Variants in PRKCB observed in about 807,000 individuals in gnomAD.
PRKCB encodes the protein protein kinase C beta, also known as protein kinase C beta type.
A neutral mutation model predicts 81.5 loss-of-function variants in PRKCB; 13 were observed. The ratio of observed to expected loss-of-function variants is 0.16; its 90% CI spans 0.10 to 0.25. The LOEUF (loss-of-function observed/expected upper bound fraction) is 0.25. Among genes scored for constraint, PRKCB ranks in the 10% least tolerant of loss-of-function variants. The probability of loss-of-function intolerance (pLI) is 1.00; values close to 1 mark genes in which losing one functional copy is unlikely to be tolerated. For missense variants in PRKCB, 509 were observed against 875.7 expected, an observed-to-expected ratio of 0.58 and a Z score of 5.29; for synonymous variants, 335 against 321.4, an observed-to-expected ratio of 1.04 and a Z score of -0.45.
intron 7 of PRKCB, among the ~76,000 whole-genome samples, chr16:24,106,648 A>C (rs1419880435): frequency 6.6e-6 from 1 of 152,206 alleles, no homozygotes; most frequent in African/African-American, 2.4e-5. Flanking sequence ...AATGTCCTAC[A>C]ATTTTAAAAA....
At chr16:23,865,561 GTGTGTGTGTA>G (rs372938984) in intron 2 of PRKCB, among the ~76,000 whole-genome samples, 4,057 of 14,064 alleles carry the variant, frequency 0.29, 680 homozygotes, top group African/African-American at 0.35. Flanking sequence ...GTGTGTGTGT[GTGTGTGTGTA>G]TATGTATATT....
At chr16:24,212,402 TAAAAAAAAAAA>T (rs35650101) in intron 16 of PRKCB, among the ~76,000 whole-genome samples, 1 of 97,170 alleles carries the variant, frequency 1.0e-5, no homozygotes, top group South Asian at 3.8e-4. Context: ...TTCTGTGCTT[TAAAAAAAAAAA>T]AAAAAAAAAG....
intron 3 of PRKCB, among the ~76,000 whole-genome samples, chr16:24,025,764 C>T (rs1053889319): frequency 3.3e-5 from 5 of 152,084 alleles, no homozygotes; most frequent in East Asian, 1.9e-4. Flanking sequence ...CTATCTTAGC[C>T]GCACATGAAG....
chr16:24,021,294 C>T (rs1286119672), intron 3 of PRKCB, among the ~76,000 whole-genome samples: 1 of 4,938 alleles, frequency 2.0e-4, no homozygotes, highest in East Asian at 4.9e-3. Flanking sequence ...CCTCTCCCTC[C>T]CTTCCTTCCT....
rs398029038 is a variant in PRKCB, at chr16:23,886,406, GTTTTTTTT to G, written c.205+49019_205+49026del. Among the ~76,000 whole-genome samples, 387 of 70,226 alleles carry G rather than the reference GTTTTTTTT, an allele frequency of 5.5e-3. 1 individual carries two copies. Among genetic ancestry groups the G allele is most frequent in the Non-Finnish European group, 7.3e-3 (291 of 39,912 alleles). The allele number at this position is 70,226 out of a possible 152,430, so 46.1% of individuals were successfully genotyped here. On this transcript the variant is annotated intron_variant, in intron 2 of 16. Coordinates refer to ENST00000643927, the MANE Select transcript of PRKCB (RefSeq NM_002738.7). Reference sequence around the variant, plus strand: ...AGGGTTGGACTATGGTGTGTTAGGTGTTTTTTTTTTTTTTTTTTTTTTTTTTGATGAAG... The same window carrying G: ...AGGGTTGGACTATGGTGTGTTAGGTGTTTTTTTTTTTTTTTTTTGATGAAG...
At chr16:24,182,080 A>G (rs1432835927) in intron 13 of PRKCB, among the ~76,000 whole-genome samples, 1 of 152,184 alleles carries the variant, frequency 6.6e-6, no homozygotes, top group Non-Finnish European at 1.5e-5. Flanking sequence ...AGTTTTCCCT[A>G]TGTGATATGC....
chr16:23,982,054 T>G (rs1316084808), intron 2 of PRKCB, among the ~76,000 whole-genome samples: 1 of 99,134 alleles, frequency 1.0e-5, no homozygotes, highest in Non-Finnish European at 2.1e-5. Context: ...CCCTTCCCTT[T>G]CCCTTCCCCT....
intron 5 of PRKCB, among the ~76,000 whole-genome samples, chr16:24,052,168 T>C (rs1965851398): frequency 6.6e-6 from 1 of 152,010 alleles, no homozygotes; most frequent in South Asian, 2.1e-4. Flanking sequence ...AAAATGCCAA[T>C]GTGCATTGGA....
At chr16:24,157,326 T>C (rs997445448) in intron 10 of PRKCB, among the ~76,000 whole-genome samples, 1 of 152,146 alleles carries the variant, frequency 6.6e-6, no homozygotes, top group African/African-American at 2.4e-5. Context: ...ATAATCCCCA[T>C]ATGTCGTGGG....
chr16:23,960,123 C>T (rs1038212948), intron 2 of PRKCB, among the ~76,000 whole-genome samples: 5 of 152,184 alleles, frequency 3.3e-5, no homozygotes, highest in African/African-American at 1.2e-4. Flanking sequence ...TAATGTCCCC[C>T]AGGGCCCATC....
Position 23,836,210 on chromosome 16 carries a change from A to T in PRKCB, c.35A>T (p.Glu12Val), listed in dbSNP as rs370984906. ...CCGGCTGCGGGGCCGCCGCCGAGCG[A>T]GGGCGAGGAGAGCACCGTGCGCTTC... ...ADPAAGPPPS[E>V]GEESTVRFAR... The change falls in exon 1 of 17, where the codon GAG becomes GTG. Residue 12 changes from glutamate (E) to valine (V), a missense_variant. Glu to Val is a moderately radical substitution (Grantham distance 121, BLOSUM62 -2). Coordinates refer to ENST00000643927, the MANE Select transcript of PRKCB (RefSeq NM_002738.7). 1.3e-6 allele frequency: 2 copies of T among 1,574,794 alleles called. No homozygotes were observed. Among genetic ancestry groups the T allele is most frequent in the Non-Finnish European group, 8.6e-7 (1 of 1,162,924 alleles).
chr16:23,853,087 G>A (rs1215749527), intron 2 of PRKCB, among the ~76,000 whole-genome samples: 2 of 152,200 alleles, frequency 1.3e-5, no homozygotes, highest in Non-Finnish European at 2.9e-5. Flanking sequence ...AAGGAAGCCA[G>A]GGCATTCTGA....
chr16:24,143,579 G>A (rs922253242), intron 9 of PRKCB, among the ~76,000 whole-genome samples: 1 of 152,076 alleles, frequency 6.6e-6, no homozygotes, highest in East Asian at 1.9e-4. Context: ...GGGAACTAGG[G>A]ATCGTGTGAT....
chr16:24,132,439 C>A (rs1194248926), intron 9 of PRKCB, among the ~76,000 whole-genome samples: 1 of 152,212 alleles, frequency 6.6e-6, no homozygotes, highest in African/African-American at 2.4e-5. Flanking sequence ...ATGCCAGGTA[C>A]CCTTGTAGGT....
chr16:24,068,354 C>T (rs577801615), intron 5 of PRKCB, among the ~76,000 whole-genome samples: 1 of 152,078 alleles, frequency 6.6e-6, no homozygotes, highest in East Asian at 1.9e-4. Context: ...TCCCTGGAAG[C>T]TTTGATTCCT....
chr16:23,858,580 T>C (rs1173411376), intron 2 of PRKCB, among the ~76,000 whole-genome samples: 2 of 151,782 alleles, frequency 1.3e-5, no homozygotes, highest in Non-Finnish European at 1.5e-5. Flanking sequence ...TGCACATGTG[T>C]AGATTTTTTT....
chr16:24,205,871 A>G (rs1226190152), intron 16 of PRKCB, among the ~76,000 whole-genome samples: 2 of 152,240 alleles, frequency 1.3e-5, no homozygotes, highest in African/African-American at 2.4e-5. Context: ...TGTTAAAGAA[A>G]TGAACAGGAT....
intron 7 of PRKCB, among the ~76,000 whole-genome samples, chr16:24,103,309 AT>A (rs942359973): frequency 1.1e-4 from 17 of 151,934 alleles, no homozygotes; most frequent in African/African-American, 2.7e-4. Flanking sequence ...TAATTTAGGC[AT>A]TTTTTTTAAC....
intron 5 of PRKCB, among the ~76,000 whole-genome samples, chr16:24,073,421 T>C (rs1016145317): frequency 6.6e-6 from 1 of 152,228 alleles, no homozygotes; most frequent in Non-Finnish European, 1.5e-5. Context: ...AGCCTCAGAC[T>C]CCTGGGCTCA....
Sources: allele counts gnomAD v4.1 joint callset (sites outside exome capture counted in the v4.1 genomes callset), GRCh38; gene constraint gnomAD v4.1.1; transcripts MANE v1.5; gene names NCBI Gene and HGNC (gene_info 2026-07-23, HGNC 2026-07-21).